Variants in PRKG1 observed in about 807,000 individuals in gnomAD.
PRKG1 encodes the protein cGMP-dependent protein kinase 1.
A neutral mutation model predicts 88.1 loss-of-function variants in PRKG1; 35 were observed. The observed-to-expected ratio is 0.40, with a 90% CI of 0.30 to 0.53. The LOEUF is 0.53. PRKG1 is among the 20% of genes least tolerant of loss of function. The pLI is 0.59. For missense variants in PRKG1, 540 were observed against 839.8 expected (o/e 0.64, Z 4.41); for synonymous variants, 303 against 292.5 (o/e 1.04, Z -0.37).
intron 1 of PRKG1, among the ~76,000 whole-genome samples, chr10:51,101,322 G>A (rs1233896576): frequency 6.6e-6 from 1 of 152,080 alleles, no homozygotes; most frequent in African/African-American, 2.4e-5. Flanking sequence ...CCATCTACAA[G>A]CCCAGGAGAG....
At chr10:51,023,715 T>A (rs1211360767) in intron 1 of PRKG1, among the ~76,000 whole-genome samples, 1 of 152,200 alleles carries the variant, frequency 6.6e-6, no homozygotes, top group East Asian at 1.9e-4. Flanking sequence ...TTCTCAAAAT[T>A]CACTGCTTTT....
intron 2 of PRKG1, among the ~76,000 whole-genome samples, chr10:51,261,881 A>ATTTTTTTTTTTT (rs375382268): frequency 3.1e-4 from 37 of 120,602 alleles, no homozygotes; most frequent in African/African-American, 7.3e-4. Flanking sequence ...GGATTTTCTA[A>ATTTTTTTTTTTT]TTTTTTTTTT....
chr10:51,385,452 A>G (rs539289655), intron 2 of PRKG1, among the ~76,000 whole-genome samples: 9 of 152,306 alleles, frequency 5.9e-5, no homozygotes, highest in African/African-American at 2.2e-4. Context: ...TTTTAACCCA[A>G]TCCATTAAGT....
intron 3 of PRKG1, among the ~76,000 whole-genome samples, chr10:51,626,076 G>A (rs1839330071): frequency 6.6e-6 from 1 of 152,118 alleles, no homozygotes; most frequent in Non-Finnish European, 1.5e-5. Context: ...ATATTTACAG[G>A]CATCTTATGT....
Position 51,614,124 on chromosome 10 carries a change from CTT to C in PRKG1, c.592+146290_592+146291del, listed in dbSNP as rs1457982949. ...CCCAACTATTACTGTATTAGAGTCT[CTT>C]TCTTTAGATCTAGTAATATTTGCTT... On this transcript the variant is annotated intron_variant, in intron 3 of 17. Coordinates refer to ENST00000373980, the MANE Select transcript of PRKG1 (RefSeq NM_006258.4). Among the ~76,000 whole-genome samples the C allele has an allele frequency of 2.0e-5, 3 of 151,638 alleles. No individual in the cohort carries two copies. In the East Asian group the frequency reaches 5.8e-4, roughly 29 times the overall value.
At chr10:52,051,810 A>G (rs1296124645) in intron 5 of PRKG1, among the ~76,000 whole-genome samples, 1 of 152,206 alleles carries the variant, frequency 6.6e-6, no homozygotes, top group Non-Finnish European at 1.5e-5. Context: ...GGAAAAGAAG[A>G]GAAGTTGGGA....
chr10:52,231,808 C>T (rs962451247), intron 9 of PRKG1, among the ~76,000 whole-genome samples: 8 of 152,208 alleles, frequency 5.3e-5, no homozygotes, highest in African/African-American at 1.4e-4. Context: ...TCTTTGTTTC[C>T]TAATCAGCAA....
At chr10:51,220,177 C>T (rs549071728) in intron 2 of PRKG1, among the ~76,000 whole-genome samples, 2 of 151,898 alleles carry the variant, frequency 1.3e-5, no homozygotes, top group African/African-American at 4.9e-5. Flanking sequence ...TTGGAGAGGC[C>T]ACTGGCTGAC....
In PRKG1 at chr10:51,353,181, C is replaced by A. The variant is rs116900230; in HGVS notation, c.479-114542C>A. Among the ~76,000 whole-genome samples the A allele has an allele frequency of 8.2e-3, 1,254 of 152,234 alleles. 15 individuals are homozygous for A. The highest frequency in any genetic ancestry group is 0.031 in the Middle Eastern group (9 of 294). On this transcript the variant is annotated intron_variant, in intron 2 of 17. Coordinates refer to ENST00000373980, the MANE Select transcript of PRKG1 (RefSeq NM_006258.4). ...AACAATTTAAAGCTAAAACCTCAAA[C>A]TGTGAAACTACCACAAGAAAACACT...
intron 3 of PRKG1, among the ~76,000 whole-genome samples, chr10:51,540,562 A>G (rs773111230): frequency 9.9e-5 from 15 of 152,164 alleles, no homozygotes; most frequent in Non-Finnish European, 1.8e-4. Flanking sequence ...TTACAGATCT[A>G]TTCATATACA....
intron 2 of PRKG1, among the ~76,000 whole-genome samples, chr10:51,437,171 T>C (rs1184012181): frequency 6.6e-6 from 1 of 152,060 alleles, no homozygotes; most frequent in Non-Finnish European, 1.5e-5. Flanking sequence ...TAAATTAATG[T>C]AGTAGTGTGA....
chr10:51,517,626 T>C (rs771771992), intron 3 of PRKG1, among the ~76,000 whole-genome samples: 1 of 152,260 alleles, frequency 6.6e-6, no homozygotes, highest in Admixed American at 6.5e-5. Flanking sequence ...ATTTAAAGTC[T>C]GTGTCTTATG....
chr10:51,082,319 TC>T, intron 1 of PRKG1, among the ~76,000 whole-genome samples: 1 of 152,276 alleles, frequency 6.6e-6, no homozygotes, highest in East Asian at 1.9e-4. Context: ...CTGGGGTGTA[TC>T]TGTTCACCAA....
chr10:51,789,987 A>T lies in PRKG1; in HGVS notation c.593-14598A>T, dbSNP rs147431826. On this transcript the variant is annotated intron_variant, in intron 3 of 17. Transcript: ENST00000373980. ...CAGGCACCCACTGCCACGCTCAGCT[A>T]ATTTTTCTATTTTTAGTAGAGATGG... Among the ~76,000 whole-genome samples, 610 of 152,062 alleles carry T rather than the reference A, an allele frequency of 4.0e-3. 1 individual carries two copies. The highest frequency in any genetic ancestry group is 0.014 in the African/African-American group (590 of 41,488).
intron 7 of PRKG1, among the ~76,000 whole-genome samples, chr10:52,094,755 C>G (rs898016744): frequency 6.6e-6 from 1 of 152,150 alleles, no homozygotes. Flanking sequence ...TCTGCACAAG[C>G]TCTCTTGTTT....
At chr10:51,430,892 TC>T (rs1172249268) in intron 2 of PRKG1, among the ~76,000 whole-genome samples, 1 of 152,164 alleles carries the variant, frequency 6.6e-6, no homozygotes, top group Non-Finnish European at 1.5e-5. Flanking sequence ...AGCAGATACA[TC>T]TAGACAAAAA....
rs1036240710 is a variant in PRKG1, at chr10:51,536,997, C to T, written c.592+69161C>T. Among the ~76,000 whole-genome samples, 3 of 152,082 alleles carry T rather than the reference C, an allele frequency of 2.0e-5. 1 individual carries two copies. The highest frequency in any genetic ancestry group is 4.4e-5 in the Non-Finnish European group (3 of 68,012). ...AGGATTTTTATAGTTTGAGTTCTTA[C>T]ATTAAAATCTGTAATCCATCTTGAA... On this transcript the variant is annotated intron_variant, in intron 3 of 17. Transcript: ENST00000373980.
At chr10:51,857,510 G>A (rs1840713482) in intron 4 of PRKG1, among the ~76,000 whole-genome samples, 1 of 152,098 alleles carries the variant, frequency 6.6e-6, no homozygotes, top group African/African-American at 2.4e-5. Context: ...CACCAGGAAG[G>A]GCCACACATG....
At chr10:51,017,035 A>G (rs1020133618) in intron 1 of PRKG1, among the ~76,000 whole-genome samples, 1 of 151,974 alleles carries the variant, frequency 6.6e-6, no homozygotes, top group South Asian at 2.1e-4. Context: ...TCAAGGTGCT[A>G]TAGCATCTTG....
Sources: allele counts gnomAD v4.1 joint callset (sites outside exome capture counted in the v4.1 genomes callset), GRCh38; gene constraint gnomAD v4.1.1; transcripts MANE v1.5; gene names NCBI Gene and HGNC (gene_info 2026-07-23, HGNC 2026-07-21).